Variants in EFR3B observed in about 807,000 individuals in gnomAD.
The protein encoded by EFR3B is EFR3 homolog B.
EFR3B carries 64 observed loss-of-function variants against 104.7 expected under a neutral mutation model. That is an observed-to-expected ratio of 0.61 (90% CI 0.50 to 0.75). The LOEUF (loss-of-function observed/expected upper bound fraction) is 0.75, where lower values mean the gene tolerates loss of function less well. Ranked by LOEUF, EFR3B falls within the 30% of genes least tolerant of loss-of-function variation. The pLI, the probability that EFR3B is intolerant of heterozygous loss-of-function variation, is 0.00. For synonymous variants in EFR3B, 385 were observed against 417.9 expected (o/e 0.92, Z 0.96); for missense variants, 750 against 1,078.5 (o/e 0.70, Z 4.27).
At chr2:25,148,778 C>T (rs963204306) in intron 19 of EFR3B, among the ~76,000 whole-genome samples, 5 of 150,722 alleles carry the variant, frequency 3.3e-5, no homozygotes, top group Admixed American at 6.6e-5. Flanking sequence ...AAAAATTAGC[C>T]GGGCGTAGTG....
intron 1 of EFR3B, among the ~76,000 whole-genome samples, chr2:25,044,553 A>G (rs1667665792): frequency 6.6e-6 from 1 of 152,096 alleles, no homozygotes; most frequent in Admixed American, 6.6e-5. Context: ...GCACAATGAA[A>G]ATGGGGGCCT....
In EFR3B at chr2:25,156,749, T is replaced by C. The variant is rs576434751; in HGVS notation, c.*2409T>C. 5.9e-5 allele frequency: 9 copies of C among 152,330 alleles called. No homozygotes were observed. The South Asian group carries it at 1.9e-3, about 32-fold the overall frequency. The allele number at this position is 152,330 out of a possible 1,614,324, so 9.4% of individuals were successfully genotyped here. A position where few individuals can be genotyped will look rare whatever the true frequency, so the allele number is the denominator to read the frequency against. On this transcript the variant is annotated 3_prime_UTR_variant, in exon 23 of 23. Transcript: ENST00000403714. Reference sequence around the variant, plus strand: ...CTTAGACTTCTCTTTAGTATTTATATATTTAAAAACCAAGTTTAAATTAAC... The same window carrying C: ...CTTAGACTTCTCTTTAGTATTTATACATTTAAAAACCAAGTTTAAATTAAC...
At chr2:25,147,504 C>T (rs1244585098) in intron 19 of EFR3B, 1 of 152,138 alleles carries the variant, frequency 6.6e-6, no homozygotes, top group African/African-American at 2.4e-5. Context: ...AAATGCCAAA[C>T]AAATCAAAAA....
In EFR3B at chr2:25,154,531, C is replaced by T. The variant is rs545198096; in HGVS notation, c.*191C>T. On this transcript the variant is annotated 3_prime_UTR_variant, in exon 23 of 23. Transcript: ENST00000403714. This position sits in a 1 kb window ranked among gnomAD's most constrained non-coding sequence, Gnocchi z 4.1. ...CCCTCCTACCTCCTCCTCGTCTTCC[C>T]TGAGGGAGGTCTCACCAATCAGCAT... The T allele has an allele frequency of 1.3e-4, 72 of 574,606 alleles. No homozygotes were observed. In the South Asian group the frequency reaches 1.6e-3, roughly 13 times the overall value. 35.6% of individuals were successfully genotyped at this position (574,606 alleles called of 1,614,324 possible). A position where few individuals can be genotyped will look rare whatever the true frequency, so the allele number is the denominator to read the frequency against.
At chr2:25,144,894 AC>A (rs1250767815) in intron 18 of EFR3B, 65 bp from the exon 19 acceptor site, 3 of 1,406,154 alleles carry the variant, frequency 2.1e-6, no homozygotes, top group African/African-American at 2.8e-5. Context: ...GGGAGGTGGG[AC>A]TAGCAGCTCA....
intron 19 of EFR3B, chr2:25,145,302 T>C (rs1670784769): frequency 1.8e-6 from 1 of 549,970 alleles, no homozygotes; most frequent in Non-Finnish European, 3.2e-6. Flanking sequence ...CTGGGGATGG[T>C]GGCTCACACC....
intron 1 of EFR3B, among the ~76,000 whole-genome samples, chr2:25,057,164 A>C (rs1212142002): frequency 6.6e-6 from 1 of 152,180 alleles, no homozygotes; most frequent in Non-Finnish European, 1.5e-5. Flanking sequence ...TAAGACAGGG[A>C]TAATTCTCCC....
At chr2:25,139,646 T>C (rs4665765) in intron 16 of EFR3B, among the ~76,000 whole-genome samples, 101,796 of 151,258 alleles carry the variant, frequency 0.67, 35,678 homozygotes, top group East Asian at 0.99. Context: ...GAATGGTGAA[T>C]GAACATCTGT....
At chr2:25,099,106 G>A (rs770039858) in intron 3 of EFR3B, among the ~76,000 whole-genome samples, 1 of 151,994 alleles carries the variant, frequency 6.6e-6, no homozygotes, top group African/African-American at 2.4e-5. Flanking sequence ...TTTCCTACCC[G>A]CCATGCTTGG....
In EFR3B at chr2:25,080,283, CTTTTTTTTT is replaced by C. The variant is rs563438610; in HGVS notation, c.8-11022_8-11014del. On this transcript the variant is annotated intron_variant, in intron 1 of 22. Coordinates refer to ENST00000403714, the MANE Select transcript of EFR3B (RefSeq NM_014971.2). ...AGCTGGCTGGAGTCCCTCCCCAAAGCTTTTTTTTTTTTTTTTTTTTTTTTTTTTGAGATG... is the reference window on the plus strand; with the variant it reads ...AGCTGGCTGGAGTCCCTCCCCAAAGCTTTTTTTTTTTTTTTTTTTGAGATG... 3.5e-3 allele frequency: 544 copies of C among 154,778 alleles called. 1 individual carries two copies. The highest frequency in any genetic ancestry group is 5.1e-3 in the African/African-American group (39 of 7,612). The allele number at this position is 154,778 out of a possible 1,614,324, so 9.6% of individuals were successfully genotyped here.
chr2:25,080,481 G>A (rs2149179235), intron 1 of EFR3B: 1 of 474,462 alleles, frequency 2.1e-6, no homozygotes, highest in South Asian at 2.8e-5. Flanking sequence ...TTTTATTAGA[G>A]ACGGGGTTTC....
At chr2:25,063,614 A>G (rs986269231) in intron 1 of EFR3B, among the ~76,000 whole-genome samples, 1 of 152,216 alleles carries the variant, frequency 6.6e-6, no homozygotes, top group Non-Finnish European at 1.5e-5. Context: ...TGGAGACGAT[A>G]GACCCCACCT....
intron 1 of EFR3B, among the ~76,000 whole-genome samples, chr2:25,068,064 C>T (rs910644164): frequency 1.1e-4 from 17 of 152,046 alleles, no homozygotes; most frequent in South Asian, 1.0e-3. Context: ...CCTGTGCATA[C>T]GAGCAGGTGC....
chr2:25,065,089 G>A (rs921297175), intron 1 of EFR3B, among the ~76,000 whole-genome samples: 3 of 151,218 alleles, frequency 2.0e-5, no homozygotes, highest in African/African-American at 4.9e-5. Flanking sequence ...CGGGGGGGGC[G>A]GGGCACACCA....
At position 25,130,251 on chromosome 2, in the gene EFR3B, G is replaced by A; in HGVS notation, c.770+142G>A. 1 of 1,354,810 alleles carries A rather than the reference G, an allele frequency of 7.4e-7. No homozygotes were observed. Among genetic ancestry groups the A allele is most frequent in the Non-Finnish European group, 1.0e-6 (1 of 1,000,814 alleles). 83.9% of individuals were successfully genotyped at this position (1,354,810 alleles called of 1,614,324 possible). ...GAGTCGATCCCTTCCCTGTGCCTGTGTTCCCTGCACTGTGACAGCAAAAGC... is the reference window on the plus strand; with the variant it reads ...GAGTCGATCCCTTCCCTGTGCCTGTATTCCCTGCACTGTGACAGCAAAAGC... On this transcript the variant is annotated intron_variant, in intron 7 of 22. Transcript: ENST00000403714. This position sits in a 1 kb window ranked among gnomAD's most constrained non-coding sequence, Gnocchi z 4.6.
intron 21 of EFR3B, among the ~76,000 whole-genome samples, chr2:25,152,250 C>T (rs1304657875): frequency 6.6e-6 from 1 of 151,692 alleles, no homozygotes; most frequent in African/African-American, 2.4e-5. Context: ...AACCAAAAGA[C>T]TTGGGTGTTT....
intron 5 of EFR3B, among the ~76,000 whole-genome samples, chr2:25,123,215 C>T (rs979126441): frequency 2.6e-5 from 4 of 151,962 alleles, no homozygotes; most frequent in African/African-American, 9.7e-5. Flanking sequence ...ATAAAATTAG[C>T]TGGGCATGAC....
intron 11 of EFR3B, among the ~76,000 whole-genome samples, 181 bp from the exon 12 acceptor site, chr2:25,133,202 C>G (rs1333711709): frequency 6.6e-6 from 1 of 152,228 alleles, no homozygotes; most frequent in Non-Finnish European, 1.5e-5. Context: ...CAATAACCAC[C>G]TCCCAACGTG....
At chr2:25,078,950 C>T (rs960583138) in intron 1 of EFR3B, among the ~76,000 whole-genome samples, 3 of 152,154 alleles carry the variant, frequency 2.0e-5, no homozygotes, top group Non-Finnish European at 2.9e-5. Flanking sequence ...CACGAGACTG[C>T]GTGGCTCCCC....
Sources: allele counts gnomAD v4.1 joint callset (sites outside exome capture counted in the v4.1 genomes callset), GRCh38; gene constraint gnomAD v4.1.1; non-coding constraint Gnocchi (gnomAD v3.1); transcripts MANE v1.5; gene names NCBI Gene and HGNC (gene_info 2026-07-23, HGNC 2026-07-21).